Variants in PPP2R3A observed in about 807,000 individuals in gnomAD.
PPP2R3A encodes the protein serine/threonine-protein phosphatase 2A regulatory subunit B'' subunit alpha.
PPP2R3A carries 80 observed loss-of-function variants against 106.9 expected under a neutral mutation model. The ratio of observed to expected loss-of-function variants is 0.75; its 90% CI spans 0.62 to 0.90. The LOEUF (loss-of-function observed/expected upper bound fraction) is 0.90. Ranked by LOEUF, PPP2R3A falls within the 40% of genes least tolerant of loss-of-function variation. The pLI is 0.00. For synonymous variants in PPP2R3A, 483 were observed against 468.3 expected (o/e 1.03, Z -0.41); for missense variants, 1,386 against 1,350.4 (o/e 1.03, Z -0.41).
intron 13 of PPP2R3A, among the ~76,000 whole-genome samples, chr3:136,120,667 T>C (rs1159251768): frequency 6.6e-6 from 1 of 152,004 alleles, no homozygotes; most frequent in Non-Finnish European, 1.5e-5. Context: ...GAGAAAATAT[T>C]CTCAAACTGT....
At chr3:136,076,123 G>T (rs1041246491) in intron 6 of PPP2R3A, among the ~76,000 whole-genome samples, 6 of 152,190 alleles carry the variant, frequency 3.9e-5, no homozygotes, top group Admixed American at 2.0e-4. Flanking sequence ...GTGAAAAGAT[G>T]AAAAGAAACC....
chr3:136,046,487 C>T (rs1935475388), intron 4 of PPP2R3A, among the ~76,000 whole-genome samples: 2 of 151,846 alleles, frequency 1.3e-5, no homozygotes, highest in South Asian at 2.1e-4. Context: ...GAAGAGATTC[C>T]ATACAGAGCC....
At chr3:136,045,297 C>G (rs1225682668) in intron 4 of PPP2R3A, among the ~76,000 whole-genome samples, 2 of 152,228 alleles carry the variant, frequency 1.3e-5, no homozygotes, top group Admixed American at 1.3e-4. Flanking sequence ...GGTGCTCGAC[C>G]TCAGGGAGCC....
In PPP2R3A at chr3:136,027,111, C is replaced by G. The variant is rs768609918; in HGVS notation, c.2262+13C>G. On this transcript the variant is annotated intron_variant, in intron 3 of 13. Coordinates refer to ENST00000264977, the MANE Select transcript of PPP2R3A (RefSeq NM_002718.5). Reference sequence around the variant, plus strand: ...GAAAATTGCAAAGGTAATGTAACTACTAAATGATTTACAATCTCCCCTTCT... The same window carrying G: ...GAAAATTGCAAAGGTAATGTAACTAGTAAATGATTTACAATCTCCCCTTCT... 10 of 1,601,680 alleles carry G rather than the reference C, an allele frequency of 6.2e-6. No individual in the cohort carries two copies.
intron 7 of PPP2R3A, 53 bp from the exon 8 acceptor site, chr3:136,082,212 G>A (rs1936799065): frequency 1.4e-6 from 2 of 1,463,202 alleles, no homozygotes; most frequent in Non-Finnish European, 1.9e-6. Flanking sequence ...TCTGCACAGT[G>A]GCCAAAGCTG....
chr3:136,001,155 A>G lies in PPP2R3A; in HGVS notation c.-344A>G. 2.4e-6 allele frequency: 1 copy of G among 408,864 alleles called. No homozygotes were observed. The allele number at this position is 408,864 out of a possible 1,614,324, so 25.3% of individuals were successfully genotyped here. On this transcript the variant is annotated 5_prime_UTR_variant, in exon 2 of 14. Coordinates refer to ENST00000264977, the MANE Select transcript of PPP2R3A (RefSeq NM_002718.5). ...ACTACCAACTAAGATTTATGATAGT[A>G]AATTTATGAGAGCAAATTTCCATGT...
At chr3:136,063,962 G>A (rs1230940951) in intron 5 of PPP2R3A, among the ~76,000 whole-genome samples, 3 of 150,440 alleles carry the variant, frequency 2.0e-5, no homozygotes, top group Non-Finnish European at 2.9e-5. Flanking sequence ...AAAGACACAC[G>A]CACATGTATG....
In PPP2R3A at chr3:136,040,937, C is replaced by G; in HGVS notation, c.2341C>G (p.Gln781Glu). The G allele has an allele frequency of 6.2e-7, 1 of 1,613,564 alleles. No homozygotes were observed. The highest frequency in any genetic ancestry group is 8.5e-7 in the Non-Finnish European group (1 of 1,179,756). Reference sequence around the variant, plus strand: ...AGAGAAGACAGGATTTGTGACAGCACAGTCATTCATTGCCATGTGGAGAAA... The same window carrying G: ...AGAGAAGACAGGATTTGTGACAGCAGAGTCATTCATTGCCATGTGGAGAAA... ...GGEKTGFVTA[Q>E]SFIAMWRKLL... The change falls in exon 4 of 14, where the codon CAG (glutamine) becomes GAG (glutamate). Residue 781 changes from glutamine (Q) to glutamate (E), a missense_variant. Coordinates refer to ENST00000264977, the MANE Select transcript of PPP2R3A (RefSeq NM_002718.5).
intron 13 of PPP2R3A, chr3:136,106,810 G>GC (rs1229254332): frequency 1.3e-5 from 2 of 153,066 alleles, no homozygotes; most frequent in African/African-American, 4.9e-5. Context: ...TGTAATCCCA[G>GC]CTACTTGGAA....
At chr3:136,113,014 T>G (rs1246349432) in intron 13 of PPP2R3A, among the ~76,000 whole-genome samples, 1 of 151,920 alleles carries the variant, frequency 6.6e-6, no homozygotes, top group Non-Finnish European at 1.5e-5. Context: ...ACACCTGTAA[T>G]GCCAGCTACT....
chr3:136,120,388 G>A (rs978079266), intron 13 of PPP2R3A, among the ~76,000 whole-genome samples: 5 of 152,120 alleles, frequency 3.3e-5, no homozygotes, highest in African/African-American at 4.8e-5. Flanking sequence ...AGGAGCTCGA[G>A]ACCAGCCTGA....
chr3:136,102,791 C>T (rs533116408), intron 11 of PPP2R3A, among the ~76,000 whole-genome samples: 75 of 152,216 alleles, frequency 4.9e-4, no homozygotes, highest in Non-Finnish European at 3.2e-4. Flanking sequence ...AGCCACTGCA[C>T]TCCAGCCTAG....
Position 136,043,274 on chromosome 3 carries a change from A to G in PPP2R3A, c.2366+2312A>G, listed in dbSNP as rs1935354375. On this transcript the variant is annotated intron_variant, in intron 4 of 13. Transcript: ENST00000264977. ...GGAGATCGAGACCATCCTGGCTAAC[A>G]CAGTGAAACCCCATCTCTACTAAAA... 2.0e-5 allele frequency among the ~76,000 whole-genome samples: 3 copies of G among 152,142 alleles called. No homozygotes were observed. The South Asian group carries it at 6.2e-4, about 32-fold the overall frequency.
chr3:136,011,933 A>C (rs935653724), intron 2 of PPP2R3A, among the ~76,000 whole-genome samples: 3 of 151,922 alleles, frequency 2.0e-5, no homozygotes, highest in Admixed American at 1.3e-4. Context: ...CTGTTTTGAC[A>C]TCTGTGAGTT....
chr3:135,970,888 G>A (rs752062453), intron 1 of PPP2R3A, among the ~76,000 whole-genome samples: 3 of 152,090 alleles, frequency 2.0e-5, no homozygotes, highest in Non-Finnish European at 4.4e-5. Flanking sequence ...AATTTTGCCA[G>A]GACTGTTGAA....
chr3:136,123,697 A>G (rs762752546), intron 13 of PPP2R3A, among the ~76,000 whole-genome samples: 2 of 152,254 alleles, frequency 1.3e-5, no homozygotes, highest in Non-Finnish European at 2.9e-5. Flanking sequence ...TGCAGTAGCC[A>G]GATGTGATCA....
rs1194503481 is a variant in PPP2R3A, at chr3:136,145,369, C to A, written c.*203C>A. 8 of 474,076 alleles carry A rather than the reference C, an allele frequency of 1.7e-5. No homozygotes were observed. The highest frequency in any genetic ancestry group is 2.8e-5 in the Non-Finnish European group (8 of 284,750). The allele number at this position is 474,076 out of a possible 1,614,324, so 29.4% of individuals were successfully genotyped here. On this transcript the variant is annotated 3_prime_UTR_variant, in exon 14 of 14. Transcript: ENST00000264977. ...CCTCCAATTTGCCTCAAACCTCTTA[C>A]GGAGCTTCTCCTCAGAAGTGGTACC...
intron 1 of PPP2R3A, among the ~76,000 whole-genome samples, chr3:135,990,994 A>G (rs1293558711): frequency 6.6e-6 from 1 of 151,928 alleles, no homozygotes; most frequent in Non-Finnish European, 1.5e-5. Context: ...AATAATACCA[A>G]GTTCCTGCTA....
intron 1 of PPP2R3A, among the ~76,000 whole-genome samples, chr3:135,998,230 T>C (rs1933482161): frequency 6.6e-6 from 1 of 152,226 alleles, no homozygotes; most frequent in Non-Finnish European, 1.5e-5. Flanking sequence ...CTTCCCTTCC[T>C]TTTTGTCTAA....
Sources: gnomAD v4.1 joint callset for allele counts (sites outside exome capture counted in the v4.1 genomes callset) on GRCh38, gnomAD v4.1.1 for gene constraint, MANE v1.5 for transcripts, NCBI Gene and HGNC (gene_info 2026-07-23, HGNC 2026-07-21) for gene names.